MPP2: variants seen among roughly 807,000 people sequenced by gnomAD.
MPP2 encodes MAGUK p55 scaffold protein 2.
A neutral mutation model predicts 58.5 loss-of-function variants in MPP2; 42 were observed. The ratio of observed to expected loss-of-function variants is 0.72; its 90% CI spans 0.56 to 0.93. The LOEUF is 0.93. Ranked by LOEUF, MPP2 falls within the 40% of genes least tolerant of loss-of-function variation. MPP2 has a pLI of 0.00. For synonymous variants in MPP2, 300 were observed against 307.8 expected (o/e 0.97, Z 0.26); for missense variants, 632 against 760.4 (o/e 0.83, Z 1.99).
chr17:43,881,978 T>C (rs187812529), intron 6 of MPP2, among the ~76,000 whole-genome samples: 27 of 152,320 alleles, frequency 1.8e-4, no homozygotes, highest in Admixed American at 1.5e-3. Context: ...CCAGGACATA[T>C]GACAACCCCA....
rs753563043 is a variant in MPP2 at position 43,883,241 on chromosome 17, C to T, written c.265G>A (p.Ala89Thr). 7.5e-6 allele frequency: 12 copies of T among 1,609,126 alleles called. No individual in the cohort carries two copies. In the South Asian group the frequency reaches 7.8e-5, roughly 10 times the overall value. The change falls in exon 4 of 13, where the codon GCC becomes ACC. Residue 89 changes from alanine to threonine, a missense_variant. Transcript: ENST00000269095. The stretch of plus-strand genomic sequence containing the variant: ...TCCTGGAGGATGTGGGCCAGCTCGG[C>T]GGCTGTGCTGCTCTGCTCAGCCAGC... ...AQLAEQSSTAAELAHILQEPH... is the reference protein window; with the variant it reads ...AQLAEQSSTATELAHILQEPH...
chr17:43,883,200 A>G lies in MPP2; in HGVS notation c.303+3T>C, dbSNP rs752152607. 1.4e-5 allele frequency: 22 copies of G among 1,601,358 alleles called. No individual in the cohort carries two copies. The highest frequency in any genetic ancestry group is 2.2e-5 in the East Asian group (1 of 44,470). On this transcript the variant is annotated splice_donor_region_variant and intron_variant, in intron 4 of 12. Transcript: ENST00000269095. ...CCTCACCCCAGCCCTAGCAGCCAGGAACCTGGAAGTGGGGCTCCTGGAGGA... is the reference window on the plus strand; with the variant it reads ...CCTCACCCCAGCCCTAGCAGCCAGGGACCTGGAAGTGGGGCTCCTGGAGGA...
chr17:43,881,563 A>G lies in MPP2; in HGVS notation c.708T>C (p.Tyr236=), dbSNP rs1438655040. The G allele has an allele frequency of 1.9e-6, 3 of 1,613,906 alleles. No homozygotes were observed. Residue 236 remains tyrosine, a synonymous_variant, in exon 7 of 13, where the codon TAT becomes TAC. Transcript: ENST00000269095. The part of the protein sequence containing the change: ...RQVFVKCHFD[Y]DPARDSLIPC... The stretch of plus-strand genomic sequence containing the variant: ...GGATGAGGCTGTCTCGGGCCGGGTC[A>G]TAGTCAAAGTGACATTTCACAAATA...
chr17:43,880,612 C>G lies in MPP2; in HGVS notation c.1150+79G>C. 1 of 1,475,612 alleles carries G rather than the reference C, an allele frequency of 6.8e-7. No individual in the cohort carries two copies. The highest frequency in any genetic ancestry group is 9.1e-7 in the Non-Finnish European group (1 of 1,102,808). The allele number at this position is 1,475,612 out of a possible 1,614,324, so 91.4% of individuals were successfully genotyped here. A position where few individuals can be genotyped will look rare whatever the true frequency, so the allele number is the denominator to read the frequency against. ...CCTGGCCTGGTGCCCATGAAGATGC[C>G]CATTCGGTGGGCCCAGCCCTGGCCC... is the stretch of plus-strand genomic sequence containing the variant. On this transcript the variant is annotated intron_variant, in intron 10 of 12. Coordinates refer to ENST00000269095, the MANE Select transcript of MPP2 (RefSeq NM_005374.5). The surrounding 1 kb of genome is among the most constrained non-coding windows in gnomAD (Gnocchi z 5.2).
At chr17:43,907,816 G>A (rs2048353114), upstream of MPP2, 2 of 985,462 alleles carry the variant, frequency 2.0e-6, no homozygotes, top group Admixed American at 6.1e-5. Flanking sequence ...TTAAAGGGGC[G>A]ATGGTAAAAG....
chr17:43,881,716 T>G, intron 6 of MPP2, 127 bp from the exon 7 acceptor site: 1 of 1,255,426 alleles, frequency 8.0e-7, no homozygotes. Flanking sequence ...GCAGGAGTGA[T>G]GCCTCCAGGC....
intron 1 of MPP2, among the ~76,000 whole-genome samples, chr17:43,906,427 C>G (rs1192526963): frequency 1.3e-5 from 2 of 152,166 alleles, no homozygotes; most frequent in African/African-American, 4.8e-5. Context: ...AAGCCTGGGC[C>G]CAGATGCCCT....
intron 8 of MPP2, 25 bp from the exon 9 acceptor site, chr17:43,881,183 G>A: frequency 1.2e-6 from 2 of 1,613,920 alleles, no homozygotes; most frequent in Non-Finnish European, 1.7e-6. Context: ...ATGGGTGAGT[G>A]AGGCAGACAG....
chr17:43,880,730 T>C lies in MPP2; in HGVS notation c.1111A>G (p.Ile371Val), dbSNP rs1228413294. The change falls in exon 10 of 13, where the codon ATC (isoleucine) becomes GTC (valine). Residue 371 changes from isoleucine (I) to valine (V), a missense_variant. Physicochemically the swap from Ile to Val is conservative, Grantham distance 29 (BLOSUM62 3). Transcript: ENST00000269095. This position sits in a 1 kb window ranked among gnomAD's most constrained non-coding sequence, Gnocchi z 5.2. ...CCATAGCGATCTGGATCCCACATGA[T>C]GAGCTTGTTCTTCAGGCTGCGCCGT... ...VGRRSLKNKL[I>V]MWDPDRYGTT... is the part of the protein sequence containing the mutation. The C allele has an allele frequency of 1.2e-6, 2 of 1,612,698 alleles. No homozygotes were observed. The highest frequency in any genetic ancestry group is 1.7e-5 in the Admixed American group (1 of 59,958).
Position 43,879,250 on chromosome 17 carries a change from C to T in MPP2, c.1482+25G>A. 6.3e-7 allele frequency: 1 copy of T among 1,597,846 alleles called. No individual in the cohort carries two copies. The highest frequency in any genetic ancestry group is 8.6e-7 in the Non-Finnish European group (1 of 1,167,690). ...ACCACCCTAGGCAGCTATCAGACCCCTCCCCCACACCTCAGAGCCCTCACC... is the reference window on the plus strand; with the variant it reads ...ACCACCCTAGGCAGCTATCAGACCCTTCCCCCACACCTCAGAGCCCTCACC... On this transcript the variant is annotated intron_variant, in intron 12 of 12. Transcript: ENST00000269095. The surrounding 1 kb of genome is among the most constrained non-coding windows in gnomAD (Gnocchi z 4.1).
rs563889859 is a variant in MPP2, at chr17:43,880,139, C to T, written c.1151-155G>A. On this transcript the variant is annotated intron_variant, in intron 10 of 12. Coordinates refer to ENST00000269095, the MANE Select transcript of MPP2 (RefSeq NM_005374.5). This position sits in a 1 kb window ranked among gnomAD's most constrained non-coding sequence, Gnocchi z 5.2. ...GCACTGCTGCCTTTGCACACACCTG[C>T]CCCCCACTCTCCCCATTGGCACACA... Among the ~76,000 whole-genome samples the T allele has an allele frequency of 7.4e-4, 113 of 152,170 alleles. No homozygotes were observed. Among genetic ancestry groups the T allele is most frequent in the African/African-American group, 2.5e-3 (104 of 41,514 alleles).
At chr17:43,881,003 G>A in intron 9 of MPP2, 87 bp downstream of exon 9, 3 of 1,543,588 alleles carry the variant, frequency 1.9e-6, no homozygotes, top group Non-Finnish European at 2.7e-6. Context: ...TCTGAGCCAG[G>A]CACACGTCGT....
intron 1 of MPP2, among the ~76,000 whole-genome samples, chr17:43,906,712 C>G (rs531293393): frequency 2.8e-4 from 42 of 152,246 alleles, no homozygotes; most frequent in Admixed American, 2.5e-3. Flanking sequence ...ACGGACCCAG[C>G]CCTAACACCC....
chr17:43,888,350 G>A (rs546372589), intron 3 of MPP2, among the ~76,000 whole-genome samples: 195 of 152,340 alleles, frequency 1.3e-3, no homozygotes, highest in African/African-American at 4.5e-3. Context: ...TTTGGGGAAA[G>A]GAACAAGCCC....
upstream of MPP2, chr17:43,907,749 T>G: frequency 2.3e-5 from 23 of 985,464 alleles, no homozygotes; most frequent in Non-Finnish European, 2.8e-5. Flanking sequence ...TGGGAAGGGT[T>G]AGGGAGGCAG....
chr17:43,907,667 G>A, upstream of MPP2: 1 of 985,704 alleles, frequency 1.0e-6, no homozygotes, highest in Non-Finnish European at 1.2e-6. Context: ...TTTCCCAGCA[G>A]CTGGTACGGG....
At chr17:43,887,430 A>T (rs1434480929) in intron 3 of MPP2, among the ~76,000 whole-genome samples, 1 of 151,904 alleles carries the variant, frequency 6.6e-6, no homozygotes, top group Non-Finnish European at 1.5e-5. Flanking sequence ...TCTTTCATGC[A>T]TCTGAATTTT....
Position 43,881,079 on chromosome 17 carries a change from C to A in MPP2, c.988+11G>T, listed in dbSNP as rs564636607. The stretch of plus-strand genomic sequence containing the variant: ...AGAGGAGGGTAAGGGAGGGGGCGCT[C>A]TGATACCCACCTGCATTCTTGGTGG... On this transcript the variant is annotated intron_variant, in intron 9 of 12. Coordinates refer to ENST00000269095, the MANE Select transcript of MPP2 (RefSeq NM_005374.5). 2.5e-6 allele frequency: 4 copies of A among 1,613,722 alleles called. No individual in the cohort carries two copies. The South Asian group carries it at 4.4e-5, about 18-fold the overall frequency.
rs962554122 is a variant in MPP2, at chr17:43,881,258, A to C, written c.905T>G (p.Leu302Arg). The change falls in exon 8 of 13, where the codon CTG becomes CGG. Residue 302 changes from leucine to arginine, a missense_variant. By Grantham distance (102) the Leu-to-Arg change is moderately radical. Transcript: ENST00000269095. ...GGACCTCCTACCTGAGTTTGGTGTC[A>C]GCTCCAGGTCCCTCTTGACAAATGC... is the stretch of plus-strand genomic sequence containing the variant. ...RKAFVKRDLELTPNSGTLCGS... is the reference protein window; with the variant it reads ...RKAFVKRDLERTPNSGTLCGS... The C allele has an allele frequency of 1.2e-6, 2 of 1,614,030 alleles. No individual in the cohort carries two copies. Among genetic ancestry groups the C allele is most frequent in the Admixed American group, 3.3e-5 (2 of 60,016 alleles).
Sources: gnomAD v4.1 joint callset for allele counts (sites outside exome capture counted in the v4.1 genomes callset) on GRCh38, gnomAD v4.1.1 for gene constraint, Gnocchi (gnomAD v3.1) non-coding constraint, MANE v1.5 for transcripts, NCBI Gene and HGNC (gene_info 2026-07-23, HGNC 2026-07-21) for gene names.